The following MARVELD2 variants were observed in gnomAD, a reference collection of about 807,000 sequenced individuals.
MARVELD2 encodes MARVEL domain-containing protein 2.
A neutral mutation model predicts 57.6 loss-of-function variants in MARVELD2; 49 were observed. The observed-to-expected ratio is 0.85, with a 90% CI of 0.68 to 1.08. MARVELD2 has a LOEUF of 1.08. Ranked by LOEUF, MARVELD2 falls within the 50% of genes least tolerant of loss-of-function variation. The pLI is 0.00. For synonymous variants in MARVELD2, 238 were observed against 258.8 expected (o/e 0.92, Z 0.77); for missense variants, 606 against 701.1 (o/e 0.86, Z 1.53).
chr5:69,441,467 G>A lies in MARVELD2; in HGVS notation c.1555-65G>A. On this transcript the variant is annotated intron_variant, in intron 6 of 6. Coordinates refer to ENST00000325631, the MANE Select transcript of MARVELD2 (RefSeq NM_001038603.3). ...GTATGATCATTTCCTGGGTGACAATGTATGTTTCTGTGTTTTTCACTGAGG... is the reference window on the plus strand; with the variant it reads ...GTATGATCATTTCCTGGGTGACAATATATGTTTCTGTGTTTTTCACTGAGG... 3 of 1,580,586 alleles carry A rather than the reference G, an allele frequency of 1.9e-6. No homozygotes were observed. In the South Asian group the frequency reaches 3.4e-5, roughly 18 times the overall value.
chr5:69,437,007 G>A (rs1428583472), intron 5 of MARVELD2, among the ~76,000 whole-genome samples: 1 of 151,844 alleles, frequency 6.6e-6, no homozygotes, highest in African/African-American at 2.4e-5. Context: ...GGGAGGCCAA[G>A]GTGAAACCGC....
chr5:69,415,471 T>G (rs1766370828), intron 1 of MARVELD2: 1 of 152,010 alleles, frequency 6.6e-6, no homozygotes, highest in Admixed American at 6.6e-5. Flanking sequence ...GGTCGGAATC[T>G]CCAAAGACAG....
chr5:69,424,484 C>T, intron 2 of MARVELD2, 117 bp from the exon 3 acceptor site: 1 of 819,678 alleles, frequency 1.2e-6, no homozygotes, highest in Non-Finnish European at 2.1e-6. Flanking sequence ...AAACACCCGT[C>T]AAGTAGAGGA....
intron 2 of MARVELD2, among the ~76,000 whole-genome samples, chr5:69,421,794 C>CTTTTT: frequency 7.5e-6 from 1 of 132,848 alleles, no homozygotes; most frequent in Admixed American, 7.7e-5. Flanking sequence ...TCTTTTCTTT[C>CTTTTT]TTTTTTTTTT....
At chr5:69,426,320 C>CATTATTATTATTATT (rs61577972) in intron 3 of MARVELD2, among the ~76,000 whole-genome samples, 22,470 of 139,844 alleles carry the variant, frequency 0.16, 2,076 homozygotes, top group Non-Finnish European at 0.2. Flanking sequence ...AGATACTGGA[C>CATTATTATTATTATT]ATTATTATTA....
intron 5 of MARVELD2, among the ~76,000 whole-genome samples, chr5:69,433,324 AG>A (rs1767030035): frequency 6.7e-6 from 1 of 148,432 alleles, no homozygotes; most frequent in African/African-American, 2.5e-5. Flanking sequence ...CACCACACGT[AG>A]CTAATTTTTT....
At position 69,424,717 on chromosome 5, in the gene MARVELD2, T is replaced by C. The variant is rs940963812; in HGVS notation, c.1182+81T>C. On this transcript the variant is annotated intron_variant, in intron 3 of 6. Transcript: ENST00000325631. ...AGGTCTGTTTATCTACATAGTAGTATCGTACATCTGTGAAATGTAGCTATT... is the reference window on the plus strand; with the variant it reads ...AGGTCTGTTTATCTACATAGTAGTACCGTACATCTGTGAAATGTAGCTATT... The C allele has an allele frequency of 1.6e-5, 18 of 1,118,480 alleles. No homozygotes were observed. In the Admixed American group the frequency reaches 3.2e-4, roughly 20 times the overall value. 69.3% of individuals were successfully genotyped at this position (1,118,480 alleles called of 1,614,324 possible).
rs749447074 is a variant in MARVELD2, at chr5:69,442,144, C to T, written c.*490C>T. 2 of 153,630 alleles carry T rather than the reference C, an allele frequency of 1.3e-5. No homozygotes were observed. 9.5% of individuals were successfully genotyped at this position (153,630 alleles called of 1,614,324 possible). On this transcript the variant is annotated 3_prime_UTR_variant, in exon 7 of 7. Coordinates refer to ENST00000325631, the MANE Select transcript of MARVELD2 (RefSeq NM_001038603.3). ...CATCTGTGACCAATTTCATATTCATCTATCTCATTTAAATGTGTCATCATT... is the reference window on the plus strand; with the variant it reads ...CATCTGTGACCAATTTCATATTCATTTATCTCATTTAAATGTGTCATCATT...
chr5:69,419,482 A>G lies in MARVELD2; in HGVS notation c.97A>G (p.Thr33Ala). Residue 33 changes from threonine (T) to alanine (A), a missense_variant, in exon 2 of 7, where the codon ACT becomes GCT. Thr to Ala is a moderately conservative substitution (Grantham distance 58, BLOSUM62 0). Transcript: ENST00000325631. Reference sequence around the variant, plus strand: ...AGATACCACCATAAGAACCCACCCAACTCTTCATGACAGTGAGCGGGCAGT... The same window carrying G: ...AGATACCACCATAAGAACCCACCCAGCTCTTCATGACAGTGAGCGGGCAGT... The part of the protein sequence containing the change: ...YQDTTIRTHP[T>A]LHDSERAVSA... 2 of 1,613,888 alleles carry G rather than the reference A, an allele frequency of 1.2e-6. No individual in the cohort carries two copies. Among genetic ancestry groups the G allele is most frequent in the Admixed American group, 1.7e-5 (1 of 59,978 alleles).
intron 5 of MARVELD2, among the ~76,000 whole-genome samples, chr5:69,436,052 T>A (rs1767126751): frequency 6.6e-6 from 1 of 152,204 alleles, no homozygotes; most frequent in South Asian, 2.1e-4. Context: ...AGACATTTGG[T>A]CATTTCCAAA....
intron 5 of MARVELD2, among the ~76,000 whole-genome samples, chr5:69,438,271 A>T (rs1261150899): frequency 6.6e-6 from 1 of 152,176 alleles, no homozygotes; most frequent in African/African-American, 2.4e-5. Flanking sequence ...CAGACTCTAG[A>T]TGGATGTTAC....
intron 5 of MARVELD2, among the ~76,000 whole-genome samples, chr5:69,433,319 C>G (rs549352473): frequency 3.3e-5 from 5 of 150,896 alleles, no homozygotes; most frequent in African/African-American, 1.2e-4. Context: ...CATGCCACCA[C>G]ACGTAGCTAA....
intron 2 of MARVELD2, among the ~76,000 whole-genome samples, chr5:69,422,416 G>A (rs965324405): frequency 1.3e-5 from 2 of 152,124 alleles, no homozygotes; most frequent in Admixed American, 1.3e-4. Context: ...GCCGCTTTGG[G>A]GATGGCTGTC....
chr5:69,428,004 C>T (rs1409950082), intron 3 of MARVELD2, among the ~76,000 whole-genome samples: 2 of 151,504 alleles, frequency 1.3e-5, no homozygotes, highest in Admixed American at 6.6e-5. Flanking sequence ...CCCAGCTACT[C>T]GGGAGGCTGA....
rs1580470840 is a variant in MARVELD2, at chr5:69,419,612, A to C, written c.227A>C (p.Lys76Thr). The change falls in exon 2 of 7, where the codon AAA becomes ACA. Residue 76 changes from lysine (K) to threonine (T), a missense_variant. Coordinates refer to ENST00000325631, the MANE Select transcript of MARVELD2 (RefSeq NM_001038603.3). ...GAACCAGCTATAGCGCCAGATCTCA[A>C]ACCAGTAAGGCGCTTTGTCCCTGAC... Reference protein sequence around the residue: ...TEEPAIAPDLKPVRRFVPDSW... With the variant: ...TEEPAIAPDLTPVRRFVPDSW... The C allele has an allele frequency of 6.2e-7, 1 of 1,614,094 alleles. No homozygotes were observed. The highest frequency in any genetic ancestry group is 8.5e-7 in the Non-Finnish European group (1 of 1,180,002).
At chr5:69,432,782 G>T in intron 4 of MARVELD2, 107 bp downstream of exon 4, 1 of 1,568,174 alleles carries the variant, frequency 6.4e-7, no homozygotes, top group Admixed American at 1.7e-5. Flanking sequence ...TTAAAATCGT[G>T]TATGTAAATA....
chr5:69,424,587 T>G lies in MARVELD2; in HGVS notation c.1147-14T>G, dbSNP rs1766726326. 6.2e-7 allele frequency: 1 copy of G among 1,602,080 alleles called. No individual in the cohort carries two copies. ...CATGCCTTTGAAAAACTATTTGAAC[T>G]CTTTTTGTTCCAGATAAATGAGCCA... On this transcript the variant is annotated splice_polypyrimidine_tract_variant and intron_variant, in intron 2 of 6. Coordinates refer to ENST00000325631, the MANE Select transcript of MARVELD2 (RefSeq NM_001038603.3).
At chr5:69,431,595 T>G (rs980812433) in intron 3 of MARVELD2, among the ~76,000 whole-genome samples, 1 of 152,140 alleles carries the variant, frequency 6.6e-6, no homozygotes, top group African/African-American at 2.4e-5. Context: ...AATAGGTAAG[T>G]TCTTAAGACT....
At chr5:69,420,632 C>A in intron 2 of MARVELD2, 101 bp downstream of exon 2, 19 of 1,101,764 alleles carry the variant, frequency 1.7e-5, no homozygotes, top group Non-Finnish European at 2.1e-5. Context: ...AGAAAGCTTT[C>A]ATAGAAATCT....
Sources: gnomAD v4.1 joint callset for allele counts (sites outside exome capture counted in the v4.1 genomes callset) on GRCh38, gnomAD v4.1.1 for gene constraint, MANE v1.5 for transcripts, NCBI Gene and HGNC (gene_info 2026-07-23, HGNC 2026-07-21) for gene names.